The following SV2C variants were observed in gnomAD, a reference collection of about 807,000 sequenced individuals.
SV2C encodes the protein solute carrier family 22 member B3.
In SV2C, 49 loss-of-function variants were observed where a neutral mutation model predicts 79.7. That is an observed-to-expected ratio of 0.61 (90% confidence interval 0.49 to 0.78). SV2C has a LOEUF of 0.78. Ranked by LOEUF, SV2C falls within the 30% of genes least tolerant of loss-of-function variation. The pLI, the probability that SV2C is intolerant of heterozygous loss-of-function variation, is 0.00. For missense variants in SV2C, 833 were observed against 912.9 expected (o/e 0.91, Z 1.13); for synonymous variants, 334 against 333.2 (o/e 1.00, Z -0.03).
At chr5:76,152,741 G>C (rs951078574) in intron 2 of SV2C, among the ~76,000 whole-genome samples, 1 of 152,166 alleles carries the variant, frequency 6.6e-6, no homozygotes, top group Non-Finnish European at 1.5e-5. Context: ...ACTTTGCCCT[G>C]TGGGTTTCTG....
Position 76,325,599 on chromosome 5 carries a change from TCTC to T in SV2C, c.*55_*57del, listed in dbSNP as rs1748972178. ...TTTCTTCCTCCTGCCCTGGGTCAAT[TCTC>T]CTTCCTGACTCAAGGCTTCAGAGTT... On this transcript the variant is annotated 3_prime_UTR_variant, in exon 13 of 13. Transcript: ENST00000502798. The T allele has an allele frequency of 1.3e-6, 2 of 1,596,832 alleles. No homozygotes were observed. Among genetic ancestry groups the T allele is most frequent in the East Asian group, 4.5e-5 (2 of 44,686 alleles).
In SV2C at chr5:76,226,570, A is replaced by G. The variant is rs541767627; in HGVS notation, c.913+16683A>G. 5.3e-5 allele frequency among the ~76,000 whole-genome samples: 8 copies of G among 152,370 alleles called. No individual in the cohort carries two copies. In the South Asian group the frequency reaches 1.0e-3, roughly 20 times the overall value. ...TGGTAAGTAGAATAATGGTCTCCCA[A>G]AGATGTCCATTTGGTAAGTACATGT... is the stretch of plus-strand genomic sequence containing the variant. On this transcript the variant is annotated intron_variant, in intron 4 of 12. Coordinates refer to ENST00000502798, the MANE Select transcript of SV2C (RefSeq NM_014979.4).
rs545256871 is a variant in SV2C at position 76,247,443 on chromosome 5, A to T, written c.913+37556A>T. Among the ~76,000 whole-genome samples, 9 of 152,334 alleles carry T rather than the reference A, an allele frequency of 5.9e-5. No individual in the cohort carries two copies. In the East Asian group the frequency reaches 1.3e-3, roughly 23 times the overall value. ...TTCCCTTTCCATATCTAGGGATTGA[A>T]GTGGATACTGTGAAGTGTGAATGAG... On this transcript the variant is annotated intron_variant, in intron 4 of 12. Coordinates refer to ENST00000502798, the MANE Select transcript of SV2C (RefSeq NM_014979.4).
Position 76,298,883 on chromosome 5 carries a change from A to ACTT in SV2C, c.1594_1596dup (p.Phe532dup), listed in dbSNP as rs764809573. 4 of 1,614,002 alleles carry ACTT rather than the reference A, an allele frequency of 2.5e-6. No individual in the cohort carries two copies. The South Asian group carries it at 4.4e-5, about 18-fold the overall frequency. ...GAGGATGTAACTTCAGTGAACACCT[A>ACTT]CTTCAAGAACTGCACATTTATTGAC... is the stretch of plus-strand genomic sequence containing the variant. On this transcript the variant is annotated inframe_insertion, in exon 10 of 13. Transcript: ENST00000502798.
chr5:76,098,945 G>A (rs1561214457), intron 1 of SV2C, among the ~76,000 whole-genome samples: 1 of 152,174 alleles, frequency 6.6e-6, no homozygotes, highest in African/African-American at 2.4e-5. Flanking sequence ...CCCACTGATG[G>A]GGAGAATCTG....
the SV2C span, among the ~76,000 whole-genome samples, chr5:75,890,276 G>A: frequency 6.6e-6 from 1 of 152,098 alleles, no homozygotes; most frequent in South Asian, 2.1e-4. Flanking sequence ...GTTCAGCAAA[G>A]CAGCAAGTGT....
the SV2C span, among the ~76,000 whole-genome samples, chr5:75,883,296 A>T: frequency 7.1e-6 from 1 of 141,384 alleles, no homozygotes; most frequent in East Asian, 2.0e-4. Context: ...TTCCTCAGGG[A>T]TCTAGAACTA....
chr5:76,320,406 A>C (rs1748790708), intron 12 of SV2C, among the ~76,000 whole-genome samples: 1 of 152,224 alleles, frequency 6.6e-6, no homozygotes, highest in African/African-American at 2.4e-5. Context: ...CAGAATGTAC[A>C]ACACCAATGT....
In SV2C at chr5:76,194,769, A is replaced by G. The variant is rs955481929; in HGVS notation, c.581-150A>G. 15 of 907,414 alleles carry G rather than the reference A, an allele frequency of 1.7e-5. No individual in the cohort carries two copies. The African/African-American group carries it at 2.5e-4, about 15-fold the overall frequency. The allele number at this position is 907,414 out of a possible 1,614,324, so 56.2% of individuals were successfully genotyped here. ...ATATTGCTTACTCTTCAACTTGAAA[A>G]CTGATTACTGTGTCCTGAAGGTTAT... On this transcript the variant is annotated intron_variant, in intron 2 of 12. Transcript: ENST00000502798.
the SV2C span, among the ~76,000 whole-genome samples, chr5:75,887,379 C>A: frequency 6.6e-6 from 1 of 151,960 alleles, no homozygotes; most frequent in Non-Finnish European, 1.5e-5. Context: ...ACCCCAGCCC[C>A]CCGTAACCAA....
intron 4 of SV2C, among the ~76,000 whole-genome samples, chr5:76,215,938 A>G (rs1744898493): frequency 6.6e-6 from 1 of 151,712 alleles, no homozygotes; most frequent in Admixed American, 6.7e-5. Flanking sequence ...ACAAAGCCTG[A>G]GCCTGATGCT....
intron 1 of SV2C, among the ~76,000 whole-genome samples, chr5:76,124,146 T>C (rs1047183111): frequency 6.6e-6 from 1 of 152,200 alleles, no homozygotes; most frequent in Non-Finnish European, 1.5e-5. Flanking sequence ...CATTTTTAAA[T>C]GTACAGTCAG....
intron 12 of SV2C, among the ~76,000 whole-genome samples, chr5:76,344,662 T>C (rs1197611529): frequency 6.6e-6 from 1 of 152,140 alleles, no homozygotes; most frequent in African/African-American, 2.4e-5. Flanking sequence ...TGAGCTGAGA[T>C]TGTACCATTG....
At chr5:76,073,513 A>G in the SV2C span, among the ~76,000 whole-genome samples, 155 of 95,856 alleles carry the variant, frequency 1.6e-3, 1 homozygote, top group African/African-American at 5.5e-3. Context: ...GTATATATAT[A>G]TATATATATA....
At chr5:76,012,658 T>A in the SV2C span, among the ~76,000 whole-genome samples, 1 of 152,212 alleles carries the variant, frequency 6.6e-6, no homozygotes, top group South Asian at 2.1e-4. Flanking sequence ...ACTTTTGGTG[T>A]TTTAGTCATG....
the SV2C span, among the ~76,000 whole-genome samples, chr5:76,016,048 G>A: frequency 3.3e-5 from 5 of 151,620 alleles, no homozygotes; most frequent in Non-Finnish European, 7.4e-5. Context: ...CTGAGTTCAG[G>A]GATGTCTGGA....
intron 2 of SV2C, among the ~76,000 whole-genome samples, chr5:76,148,630 T>A (rs1043177679): frequency 1.3e-5 from 2 of 152,054 alleles, no homozygotes; most frequent in South Asian, 2.1e-4. Context: ...TTTAAAAAAA[T>A]TTTTGTAGAG....
At chr5:75,866,302 T>C in the SV2C span, among the ~76,000 whole-genome samples, 2 of 152,200 alleles carry the variant, frequency 1.3e-5, no homozygotes, top group African/African-American at 4.8e-5. Flanking sequence ...TTCTTAAAAA[T>C]TAACTGTTAT....
chr5:76,054,336 T>C, the SV2C span, among the ~76,000 whole-genome samples: 1 of 152,232 alleles, frequency 6.6e-6, no homozygotes, highest in Non-Finnish European at 1.5e-5. Context: ...TTCTTTTTTA[T>C]GGCTGCATAG....
Sources: allele counts gnomAD v4.1 joint callset (sites outside exome capture counted in the v4.1 genomes callset), GRCh38; gene constraint gnomAD v4.1.1; transcripts MANE v1.5; gene names NCBI Gene and HGNC (gene_info 2026-07-23, HGNC 2026-07-21).